Variants in HS3ST4 observed in about 807,000 individuals in gnomAD.
The protein encoded by HS3ST4 is heparan sulfate-glucosamine 3-sulfotransferase 4, also known as heparan sulfate glucosamine 3-O-sulfotransferase 4.
HS3ST4 carries 17 observed loss-of-function variants against 29.2 expected under a neutral mutation model. That is an observed-to-expected ratio of 0.58 (90% CI 0.40 to 0.87). The LOEUF (loss-of-function observed/expected upper bound fraction) is 0.87. HS3ST4 is among the 40% of genes least tolerant of loss of function. The pLI, the probability that HS3ST4 is intolerant of heterozygous loss-of-function variation, is 0.00. For synonymous variants in HS3ST4, 314 were observed against 285.7 expected, an observed-to-expected ratio of 1.10 and a Z score of -1.00; for missense variants, 627 against 634.5, an observed-to-expected ratio of 0.99 and a Z score of 0.13.
intron 1 of HS3ST4, among the ~76,000 whole-genome samples, chr16:25,695,552 T>C (rs1966288957): frequency 1.3e-5 from 2 of 152,128 alleles, no homozygotes; most frequent in African/African-American, 4.8e-5. Flanking sequence ...CTCACTCCCG[T>C]ATAGGAAGAG....
chr16:25,731,099 T>C (rs1966567347), intron 1 of HS3ST4, among the ~76,000 whole-genome samples: 1 of 151,514 alleles, frequency 6.6e-6, no homozygotes, highest in South Asian at 2.1e-4. Flanking sequence ...TGTTGCCAGC[T>C]GAGGACGCTT....
intron 1 of HS3ST4, among the ~76,000 whole-genome samples, chr16:26,130,534 G>T (rs1899403317): frequency 6.6e-6 from 1 of 152,174 alleles, no homozygotes; most frequent in South Asian, 2.1e-4. Context: ...TTTGCCTACA[G>T]CCCCAAGGAA....
At chr16:25,975,903 C>T (rs74013232) in intron 1 of HS3ST4, among the ~76,000 whole-genome samples, 1,938 of 152,266 alleles carry the variant, frequency 0.013, 46 homozygotes, top group African/African-American at 0.042. Flanking sequence ...TGTTGGACCC[C>T]CCTGTTCCCA....
intron 1 of HS3ST4, among the ~76,000 whole-genome samples, chr16:25,879,022 C>T (rs1336000856): frequency 1.3e-5 from 2 of 152,166 alleles, no homozygotes; most frequent in African/African-American, 4.8e-5. Flanking sequence ...AAACTCCAGG[C>T]AGCTGGAAGA....
chr16:26,065,476 C>A (rs1280800249), intron 1 of HS3ST4, among the ~76,000 whole-genome samples: 1 of 151,978 alleles, frequency 6.6e-6, no homozygotes, highest in Non-Finnish European at 1.5e-5. Context: ...CTTTCAGAGG[C>A]TGGAGGGTGG....
chr16:25,933,527 C>G (rs545610944), intron 1 of HS3ST4: 2 of 403,954 alleles, frequency 5.0e-6, no homozygotes, highest in African/African-American at 2.1e-5. Flanking sequence ...TTTATGAACT[C>G]TCTGGCAGTT....
chr16:26,078,565 C>T (rs1596673316), intron 1 of HS3ST4, among the ~76,000 whole-genome samples: 1 of 152,144 alleles, frequency 6.6e-6, no homozygotes, highest in African/African-American at 2.4e-5. Context: ...GGATTGGCTG[C>T]TTTGATTTAG....
At chr16:26,031,797 C>A (rs1596656564) in intron 1 of HS3ST4, among the ~76,000 whole-genome samples, 1 of 151,398 alleles carries the variant, frequency 6.6e-6, no homozygotes, top group Non-Finnish European at 1.5e-5. Context: ...CATGGGCAGA[C>A]AATCGTTAAC....
At chr16:26,021,033 C>A (rs1217168402) in intron 1 of HS3ST4, among the ~76,000 whole-genome samples, 1 of 152,126 alleles carries the variant, frequency 6.6e-6, no homozygotes, top group Non-Finnish European at 1.5e-5. Context: ...ATGCTGTAAG[C>A]ACTTCTTAAA....
Position 25,962,657 on chromosome 16 carries a change from GA to G in HS3ST4, c.735-172953del, listed in dbSNP as rs1256412713. On this transcript the variant is annotated intron_variant, in intron 1 of 1. Transcript: ENST00000331351. ...TTCATCATTTGGCTCCACTATTTTG[GA>G]ATCTTTAGCCTTGAAGTCCAGCCTT... Among the ~76,000 whole-genome samples the G allele has an allele frequency of 2.0e-5, 3 of 152,110 alleles. No individual in the cohort carries two copies. In the East Asian group the frequency reaches 5.8e-4, roughly 29 times the overall value.
At chr16:26,041,321 C>CAG (rs1225417534) in intron 1 of HS3ST4, among the ~76,000 whole-genome samples, 1 of 152,000 alleles carries the variant, frequency 6.6e-6, no homozygotes, top group Non-Finnish European at 1.5e-5. Context: ...GCTTGGGCAA[C>CAG]AGAGTGAGGC....
At chr16:25,795,010 C>A (rs1251870953) in intron 1 of HS3ST4, among the ~76,000 whole-genome samples, 1 of 144,064 alleles carries the variant, frequency 6.9e-6, no homozygotes, top group African/African-American at 2.5e-5. Context: ...CTCTCACTGT[C>A]GCCTGGGCAG....
intron 1 of HS3ST4, among the ~76,000 whole-genome samples, chr16:26,131,790 A>G (rs1368048218): frequency 6.6e-6 from 1 of 152,136 alleles, no homozygotes; most frequent in Non-Finnish European, 1.5e-5. Context: ...ACCTTTCACA[A>G]CAAAAACCTA....
chr16:25,757,037 A>G (rs974525868), intron 1 of HS3ST4, among the ~76,000 whole-genome samples: 1 of 152,194 alleles, frequency 6.6e-6, no homozygotes, highest in African/African-American at 2.4e-5. Context: ...CCCTGTGCCT[A>G]TGTTTATAGT....
At chr16:25,695,061 T>C (rs965633465) in intron 1 of HS3ST4, among the ~76,000 whole-genome samples, 9 of 152,192 alleles carry the variant, frequency 5.9e-5, no homozygotes, top group Non-Finnish European at 1.2e-4. Flanking sequence ...AGAGAAGGTA[T>C]AGAAACTACC....
At chr16:25,807,358 C>G (rs1967000016) in intron 1 of HS3ST4, among the ~76,000 whole-genome samples, 1 of 152,202 alleles carries the variant, frequency 6.6e-6, no homozygotes, top group African/African-American at 2.4e-5. Context: ...AATCTATTTT[C>G]AATTTCTATA....
chr16:25,999,511 T>C (rs997654623), intron 1 of HS3ST4, among the ~76,000 whole-genome samples: 2 of 96,298 alleles, frequency 2.1e-5, no homozygotes, highest in Non-Finnish European at 4.5e-5. Flanking sequence ...CTTCAGCCAC[T>C]TTTTTTCTAT....
At chr16:26,100,908 GCT>G (rs1898982627) in intron 1 of HS3ST4, among the ~76,000 whole-genome samples, 1 of 152,124 alleles carries the variant, frequency 6.6e-6, no homozygotes. Flanking sequence ...GGCGATGGCA[GCT>G]CTCTAACTAA....
At chr16:25,994,377 T>C (rs1230838763) in intron 1 of HS3ST4, among the ~76,000 whole-genome samples, 1 of 152,170 alleles carries the variant, frequency 6.6e-6, no homozygotes. Context: ...AATAACTTAT[T>C]TATTCTCTTT....
Sources: gnomAD v4.1 joint callset for allele counts (sites outside exome capture counted in the v4.1 genomes callset) on GRCh38, gnomAD v4.1.1 for gene constraint, MANE v1.5 for transcripts, NCBI Gene and HGNC (gene_info 2026-07-23, HGNC 2026-07-21) for gene names.